Variants in UPP2 observed in about 807,000 individuals in gnomAD.
UPP2 encodes the protein uridine phosphorylase 2, also known as UPase 2.
Under a neutral mutation model 26.7 loss-of-function variants are expected in UPP2, and 23 were observed. The observed-to-expected ratio is 0.86, with a 90% confidence interval of 0.62 to 1.22. The LOEUF (loss-of-function observed/expected upper bound fraction) is 1.22, where lower values mean the gene tolerates loss of function less well. UPP2 is among the 50% of genes most tolerant of loss of function. The pLI is 0.00. For missense variants in UPP2, 387 were observed against 396.7 expected (o/e 0.98, Z 0.21); for synonymous variants, 127 against 141.3 (o/e 0.90, Z 0.72).
At chr2:158,025,614 G>A (rs1309863546) in intron 3 of UPP2, among the ~76,000 whole-genome samples, 1 of 152,236 alleles carries the variant, frequency 6.6e-6, no homozygotes, top group Admixed American at 6.5e-5. Flanking sequence ...AGTAGTTGGG[G>A]TTTATGGTGA....
chr2:158,080,547 CG>C (rs1304344574), intron 3 of UPP2, among the ~76,000 whole-genome samples: 2 of 152,156 alleles, frequency 1.3e-5, no homozygotes, highest in Non-Finnish European at 2.9e-5. Flanking sequence ...TGATTATACC[CG>C]GAACAATGCA....
At chr2:158,107,765 G>T (rs1220414238) in intron 2 of UPP2, among the ~76,000 whole-genome samples, 3 of 152,160 alleles carry the variant, frequency 2.0e-5, no homozygotes, top group East Asian at 1.9e-4. Flanking sequence ...AGGAAGGAAG[G>T]TGTGAGGGCA....
intron 3 of UPP2, among the ~76,000 whole-genome samples, chr2:158,035,414 A>G (rs1288631827): frequency 6.6e-6 from 1 of 152,104 alleles, no homozygotes; most frequent in Non-Finnish European, 1.5e-5. Flanking sequence ...TTGGCCTCCC[A>G]AAGTGCTGGA....
chr2:158,135,648 A>G lies in UPP2; in HGVS notation c.*758A>G, dbSNP rs1193079381. Reference sequence around the variant, plus strand: ...TATTTTTTATTCCATTTCAATATTAACCAAATAGGCTGAGAAATTCATAGC... The same window carrying G: ...TATTTTTTATTCCATTTCAATATTAGCCAAATAGGCTGAGAAATTCATAGC... On this transcript the variant is annotated 3_prime_UTR_variant, in exon 7 of 7. Coordinates refer to ENST00000005756, the MANE Select transcript of UPP2 (RefSeq NM_173355.4). 1 of 152,172 alleles carries G rather than the reference A, an allele frequency of 6.6e-6. No individual in the cohort carries two copies. Among genetic ancestry groups the G allele is most frequent in the Non-Finnish European group, 1.5e-5 (1 of 68,028 alleles). The allele number at this position is 152,172 out of a possible 1,614,324, so 9.4% of individuals were successfully genotyped here. A position where few individuals can be genotyped will look rare whatever the true frequency, so the allele number is the denominator to read the frequency against.
intron 3 of UPP2, among the ~76,000 whole-genome samples, chr2:158,093,306 A>ACACACAC (rs1553468441): frequency 6.8e-6 from 1 of 147,308 alleles, no homozygotes; most frequent in East Asian, 2.0e-4. Flanking sequence ...ACACACACAC[A>ACACACAC]ATTAGAAAAA....
chr2:158,025,218 AAG>A (rs1553463857), intron 3 of UPP2, among the ~76,000 whole-genome samples: 2 of 151,838 alleles, frequency 1.3e-5, no homozygotes, highest in Admixed American at 6.6e-5. Flanking sequence ...AAAAAAAAAA[AAG>A]ATCAGAAAAT....
chr2:158,064,847 T>C lies in UPP2; in HGVS notation c.148-37193T>C, dbSNP rs184687125. 6.8e-4 allele frequency among the ~76,000 whole-genome samples: 104 copies of C among 152,284 alleles called. No homozygotes were observed. In the East Asian group the frequency reaches 0.019, roughly 27 times the overall value. ...CAACACCATTTATTAAATAGGAATC[T>C]TTTCCCCATTGCTTTTTTGTGTCAG... On this transcript the variant is annotated intron_variant, in intron 3 of 9. Transcript: ENST00000605860.
At chr2:158,009,479 C>T (rs994782629) in intron 2 of UPP2, among the ~76,000 whole-genome samples, 8 of 152,164 alleles carry the variant, frequency 5.3e-5, no homozygotes, top group African/African-American at 1.2e-4. Context: ...ATAGCCAAGA[C>T]GCACATTTTC....
chr2:158,033,252 G>A (rs1409223534), intron 3 of UPP2, among the ~76,000 whole-genome samples: 1 of 152,180 alleles, frequency 6.6e-6, no homozygotes, highest in Non-Finnish European at 1.5e-5. Context: ...GGCAGGCTGT[G>A]TTCCTGTATA....
At chr2:158,031,981 A>G (rs1355408775) in intron 3 of UPP2, among the ~76,000 whole-genome samples, 1 of 152,166 alleles carries the variant, frequency 6.6e-6, no homozygotes, top group Admixed American at 6.5e-5. Context: ...ATACAGCTGA[A>G]TATTGTGTTC....
intron 3 of UPP2, among the ~76,000 whole-genome samples, chr2:158,087,006 C>T (rs993647563): frequency 2.6e-5 from 4 of 151,454 alleles, no homozygotes; most frequent in Admixed American, 6.6e-5. Context: ...CTGTTAAGTC[C>T]CTTTGTTCTA....
At position 158,102,106 on chromosome 2, in the gene UPP2, G is replaced by C; in HGVS notation, c.43G>C (p.Asp15His). The part of the protein sequence containing the change: ...IPASNRSMRS[D>H]RNTYVGKRFV... ...TGCCTCCAATAGGTCCATGAGATCT[G>C]ACAGGAATACATATGTTGGGTGAGT... Residue 15 changes from aspartate (D) to histidine (H), a missense_variant, in exon 1 of 7, where the codon GAC becomes CAC. Transcript: ENST00000005756. 6.2e-7 allele frequency: 1 copy of C among 1,613,340 alleles called. No homozygotes were observed. Among genetic ancestry groups the C allele is most frequent in the East Asian group, 2.2e-5 (1 of 44,822 alleles).
chr2:158,111,441 C>G (rs1683318108), intron 2 of UPP2, among the ~76,000 whole-genome samples: 1 of 152,042 alleles, frequency 6.6e-6, no homozygotes, highest in Non-Finnish European at 1.5e-5. Flanking sequence ...CTATATTTTT[C>G]CATTCTTTTA....
At chr2:158,132,752 A>AGTTG (rs1683845592) in intron 6 of UPP2, among the ~76,000 whole-genome samples, 1 of 152,204 alleles carries the variant, frequency 6.6e-6, no homozygotes, top group Non-Finnish European at 1.5e-5. Context: ...ACAAAAGGCC[A>AGTTG]ACAGATATAT....
chr2:158,111,868 C>G (rs190610846), intron 2 of UPP2, among the ~76,000 whole-genome samples: 3 of 152,002 alleles, frequency 2.0e-5, no homozygotes, highest in Non-Finnish European at 2.9e-5. Context: ...GACATATAGA[C>G]CTTACAGGAA....
intron 4 of UPP2, 112 bp downstream of exon 4, chr2:158,118,050 G>A (rs2105224565): frequency 1.2e-6 from 1 of 839,196 alleles, no homozygotes; most frequent in Non-Finnish European, 1.9e-6. Context: ...GGGCTAAAAA[G>A]TGTCAGAAGG....
chr2:158,003,205 G>A (rs1574240245), intron 2 of UPP2, among the ~76,000 whole-genome samples: 1 of 152,100 alleles, frequency 6.6e-6, no homozygotes, highest in Non-Finnish European at 1.5e-5. Flanking sequence ...TTGTGTTGGT[G>A]GAGGTGTCAG....
At chr2:158,115,812 C>T (rs1232514522) in intron 3 of UPP2, among the ~76,000 whole-genome samples, 1 of 152,164 alleles carries the variant, frequency 6.6e-6, no homozygotes, top group Non-Finnish European at 1.5e-5. Context: ...AGACCATTTC[C>T]CCCTTGGACT....
chr2:157,995,608 C>T (rs1683312678), intron 2 of UPP2, among the ~76,000 whole-genome samples: 1 of 151,876 alleles, frequency 6.6e-6, no homozygotes, highest in South Asian at 2.1e-4. Context: ...CTCTAACGAT[C>T]CCTTTAATAC....
Sources: gnomAD v4.1 joint callset for allele counts (sites outside exome capture counted in the v4.1 genomes callset) on GRCh38, gnomAD v4.1.1 for gene constraint, MANE v1.5 for transcripts, NCBI Gene and HGNC (gene_info 2026-07-23, HGNC 2026-07-21) for gene names.